The following NLGN4X variants were observed in gnomAD, a reference collection of about 807,000 sequenced individuals.
The protein encoded by NLGN4X is neuroligin 4 X-linked, also known as neuroligin-4, X-linked.
In NLGN4X, 3 loss-of-function variants were observed where a neutral mutation model predicts 40.3. The observed-to-expected ratio is 0.07, with a 90% CI of 0.03 to 0.19. The LOEUF (loss-of-function observed/expected upper bound fraction) is 0.19, where lower values mean the gene tolerates loss of function less well. Among genes scored for constraint, NLGN4X ranks in the 10% least tolerant of loss-of-function variants. The pLI, the probability that NLGN4X is intolerant of heterozygous loss-of-function variation, is 1.00. For missense variants in NLGN4X, 382 were observed against 708.3 expected (o/e 0.54, Z 5.23); for synonymous variants, 270 against 306.8 (o/e 0.88, Z 1.25).
intron 2 of NLGN4X, among the ~76,000 whole-genome samples, chrX:6,036,103 A>C (rs1333648389): frequency 1.8e-5 from 2 of 111,506 alleles, no homozygotes; most frequent in African/African-American, 6.5e-5. Context: ...CATTGGTCTA[A>C]ATTTATACCC....
Position 5,929,155 on chromosome X carries a change from A to G in NLGN4X, c.626-19916T>C. Among the ~76,000 whole-genome samples the G allele has an allele frequency of 3.6e-5, 4 of 112,081 alleles. No individual in the cohort carries two copies. The Middle Eastern group carries it at 0.014, about 386-fold the overall frequency. Reference sequence around the variant, plus strand: ...TATTTTTAAATAGACTTTGCTAAATATATTTTACAAGATGTATTATGTGCC... The same window carrying G: ...TATTTTTAAATAGACTTTGCTAAATGTATTTTACAAGATGTATTATGTGCC... On this transcript the variant is annotated intron_variant, in intron 3 of 5. Transcript: ENST00000381095.
chrX:6,061,123 C>T (rs758897684), intron 2 of NLGN4X, among the ~76,000 whole-genome samples: 1 of 111,548 alleles, frequency 9.0e-6, no homozygotes, highest in Non-Finnish European at 1.9e-5. Context: ...CCATTTTCCC[C>T]CTTTGCTAAA....
At chrX:5,987,573 T>C (rs1189090081) in intron 3 of NLGN4X, among the ~76,000 whole-genome samples, 1 of 112,551 alleles carries the variant, frequency 8.9e-6, no homozygotes, top group Non-Finnish European at 1.9e-5. Context: ...AGTGTAAATC[T>C]AAGTTCAGCA....
chrX:6,068,228 A>C (rs2037973034), intron 2 of NLGN4X, among the ~76,000 whole-genome samples: 1 of 111,775 alleles, frequency 8.9e-6, no homozygotes, highest in Non-Finnish European at 1.9e-5. Flanking sequence ...AGTGTCTATA[A>C]GGGCTCAAGT....
intron 3 of NLGN4X, among the ~76,000 whole-genome samples, chrX:6,017,702 C>T (rs1305120587): frequency 2.7e-5 from 3 of 112,000 alleles, no homozygotes; most frequent in Non-Finnish European, 5.6e-5. Flanking sequence ...TATTCCCAAG[C>T]TAGCAATATG....
At chrX:6,121,510 C>T (rs1422469561) in intron 2 of NLGN4X, among the ~76,000 whole-genome samples, 1 of 112,173 alleles carries the variant, frequency 8.9e-6, no homozygotes, top group Non-Finnish European at 1.9e-5. Flanking sequence ...TCTGTTTGCC[C>T]ATGGAGATGC....
intron 2 of NLGN4X, among the ~76,000 whole-genome samples, chrX:6,134,773 C>T (rs993928260): frequency 8.9e-6 from 1 of 112,310 alleles, no homozygotes; most frequent in South Asian, 3.7e-4. Context: ...CAGGTTATAT[C>T]ACCAGCCTGA....
chrX:5,902,882 T>C (rs1312807873), intron 5 of NLGN4X, among the ~76,000 whole-genome samples, 195 bp downstream of exon 5: 1 of 112,157 alleles, frequency 8.9e-6, no homozygotes. Context: ...AAAAATGAGT[T>C]GCCATAGATG....
At chrX:6,040,515 A>G (rs761512021) in intron 2 of NLGN4X, among the ~76,000 whole-genome samples, 1 of 112,023 alleles carries the variant, frequency 8.9e-6, no homozygotes, top group Non-Finnish European at 1.9e-5. Context: ...ACATAAAGAC[A>G]TTTTATTTGC....
intron 2 of NLGN4X, among the ~76,000 whole-genome samples, chrX:6,140,780 T>C (rs773276588): frequency 9.3e-6 from 1 of 107,671 alleles, no homozygotes; most frequent in Admixed American, 1.0e-4. Context: ...GGTTTTGTCA[T>C]GTTGCCCAGG....
chrX:5,903,130 G>A lies in NLGN4X; in HGVS notation c.1548C>T (p.Asp516=), dbSNP rs769290806. Residue 516 remains aspartate, a synonymous_variant, in exon 5 of 6, where the codon GAC becomes GAT. Coordinates refer to ENST00000381095, the MANE Select transcript of NLGN4X (RefSeq NM_181332.3). ...TCATGACCACGGCGCTGAGCATGACGTCGTTCTTGGAAAAGTTACAACTGA... is the reference window on the plus strand; with the variant it reads ...TCATGACCACGGCGCTGAGCATGACATCGTTCTTGGAAAAGTTACAACTGA... ...ELFSCNFSKN[D]VMLSAVVMTY... The A allele has an allele frequency of 3.6e-5, 43 of 1,210,557 alleles. No individual in the cohort carries two copies. The highest frequency in any genetic ancestry group is 3.8e-5 in the Non-Finnish European group (34 of 895,381).
At chrX:6,226,831 C>A in intron 1 of NLGN4X, 1 of 124,509 alleles carries the variant, frequency 8.0e-6, no homozygotes. Flanking sequence ...GCAAGCCCCC[C>A]ACCCACGCAT....
rs1263927511 is a variant in NLGN4X, at chrX:5,892,982, G to A, written c.2286C>T (p.Leu762=). The A allele has an allele frequency of 1.7e-6, 2 of 1,211,900 alleles. No individual in the cohort carries two copies. The highest frequency in any genetic ancestry group is 2.2e-6 in the Non-Finnish European group (2 of 895,590). ...LRLTCPPDYT[L]TLRRSPDDIP... ...TGTCATCTGGCGACCGGCGCAGCGT[G>A]AGGGTGTAGTCTGGCGGGCAGGTGA... Residue 762 remains leucine (L), a synonymous_variant, in exon 6 of 6, where the codon CTC becomes CTT. Coordinates refer to ENST00000381095, the MANE Select transcript of NLGN4X (RefSeq NM_181332.3).
At position 6,147,488 on chromosome X, in the gene NLGN4X, C is replaced by T. The variant is rs1336817145; in HGVS notation, c.472+3507G>A. On this transcript the variant is annotated intron_variant, in intron 2 of 5. Transcript: ENST00000381095. ...TGTTCAGTCTCCTTGGGGACCAAGA[C>T]GAATCACGAACTGTACTGCCATCCC... Among the ~76,000 whole-genome samples, 4 of 112,138 alleles carry T rather than the reference C, an allele frequency of 3.6e-5. No homozygotes were observed. The Admixed American group carries it at 3.8e-4, about 11-fold the overall frequency.
intron 3 of NLGN4X, among the ~76,000 whole-genome samples, chrX:5,958,206 C>T (rs2034557656): frequency 9.0e-6 from 1 of 110,786 alleles, no homozygotes; most frequent in Non-Finnish European, 1.9e-5. Context: ...TGAACATTTC[C>T]ACAAAAAAAG....
intron 1 of NLGN4X, among the ~76,000 whole-genome samples, chrX:6,193,056 C>A (rs1187612521): frequency 9.0e-6 from 1 of 111,684 alleles, no homozygotes; most frequent in East Asian, 2.8e-4. Flanking sequence ...TCATTGACTG[C>A]TGTGCTGGAC....
rs771032393 is a variant in NLGN4X, at chrX:5,952,293, C to T, written c.626-43054G>A. ...TCAGGCAGAGAAAGTGAAGGTCAGG[C>T]ACGTATTTCCAAACGGGATAAACAA... On this transcript the variant is annotated intron_variant, in intron 3 of 5. Coordinates refer to ENST00000381095, the MANE Select transcript of NLGN4X (RefSeq NM_181332.3). Among the ~76,000 whole-genome samples, 5 of 111,879 alleles carry T rather than the reference C, an allele frequency of 4.5e-5. No homozygotes were observed. In the South Asian group the frequency reaches 1.9e-3, roughly 42 times the overall value.
At chrX:5,899,229 G>A (rs2031703561) in intron 5 of NLGN4X, among the ~76,000 whole-genome samples, 1 of 112,261 alleles carries the variant, frequency 8.9e-6, no homozygotes, top group Admixed American at 9.4e-5. Context: ...TGTTATTTCA[G>A]GGATGTTTCC....
At chrX:6,009,831 CAG>C (rs2036201895) in intron 3 of NLGN4X, among the ~76,000 whole-genome samples, 1 of 112,531 alleles carries the variant, frequency 8.9e-6, no homozygotes, top group Non-Finnish European at 1.9e-5. Context: ...TTTCACAACA[CAG>C]GGGGCCCCTG....
Sources: gnomAD v4.1 joint callset for allele counts (sites outside exome capture counted in the v4.1 genomes callset) on GRCh38, gnomAD v4.1.1 for gene constraint, MANE v1.5 for transcripts, NCBI Gene and HGNC (gene_info 2026-07-23, HGNC 2026-07-21) for gene names.